TFB1M: variants seen among roughly 807,000 people sequenced by gnomAD.
The protein encoded by TFB1M is transcription factor B1, mitochondrial.
TFB1M carries 27 observed loss-of-function variants against 31.1 expected under a neutral mutation model. The observed-to-expected ratio is 0.87, with a 90% CI of 0.64 to 1.20. TFB1M has a LOEUF of 1.20. TFB1M is among the 50% of genes most tolerant of loss of function. The pLI, the probability that TFB1M is intolerant of heterozygous loss-of-function variation, is 0.00. For synonymous variants in TFB1M, 166 were observed against 151.8 expected, an observed-to-expected ratio of 1.09 and a Z score of -0.69; for missense variants, 394 against 418.7, an observed-to-expected ratio of 0.94 and a Z score of 0.51.
intron 5 of TFB1M, among the ~76,000 whole-genome samples, chr6:155,265,569 C>T (rs1465319443): frequency 6.6e-6 from 1 of 151,124 alleles, no homozygotes; most frequent in Non-Finnish European, 1.5e-5. Context: ...GAACAGGTAA[C>T]TATTTTATCT....
downstream of TFB1M, chr6:155,254,805 T>C (rs1293380796): frequency 5.8e-6 from 3 of 521,358 alleles, no homozygotes; most frequent in Non-Finnish European, 1.0e-5. Context: ...AGTCCAAATG[T>C]ACGATTTTGT....
At chr6:155,245,755 G>GTTTTTTTTTT in the TFB1M span, 49 of 1,023,372 alleles carry the variant, frequency 4.8e-5, no homozygotes, top group South Asian at 1.2e-4. Flanking sequence ...GCCTTTTATA[G>GTTTTTTTTTT]TTTTTTTTTT....
chr6:155,250,896 C>A, the TFB1M span: 2 of 1,611,282 alleles, frequency 1.2e-6, no homozygotes, highest in Non-Finnish European at 1.7e-6. Context: ...TCCTTACCTC[C>A]TGTTTTTACA....
chr6:155,240,800 G>C, the TFB1M span: 5 of 1,338,306 alleles, frequency 3.7e-6, no homozygotes, highest in East Asian at 1.0e-4. Flanking sequence ...CTCTGCCCAG[G>C]ACACCTGCCA....
Position 155,302,198 on chromosome 6 carries a change from T to A in TFB1M, c.286-3613A>T, listed in dbSNP as rs533256171. 2.6e-5 allele frequency among the ~76,000 whole-genome samples: 4 copies of A among 152,338 alleles called. No individual in the cohort carries two copies. The East Asian group carries it at 7.7e-4, about 29-fold the overall frequency. Reference sequence around the variant, plus strand: ...GAATACCCATTTTGCATATTTTATGTCACCTTCTCATGTAAGGGGTTCATG... The same window carrying A: ...GAATACCCATTTTGCATATTTTATGACACCTTCTCATGTAAGGGGTTCATG... On this transcript the variant is annotated intron_variant, in intron 2 of 6. Coordinates refer to ENST00000367166, the MANE Select transcript of TFB1M (RefSeq NM_016020.4).
chr6:155,286,874 CATT>C (rs759178501), intron 4 of TFB1M, among the ~76,000 whole-genome samples: 5 of 151,630 alleles, frequency 3.3e-5, no homozygotes, highest in Non-Finnish European at 5.9e-5. Flanking sequence ...TATAATAAAA[CATT>C]ATAAATGTTT....
chr6:155,245,016 C>T, the TFB1M span, among the ~76,000 whole-genome samples: 51,608 of 151,750 alleles, frequency 0.34, 9,494 homozygotes, highest in Middle Eastern at 0.5. Flanking sequence ...CAGCACCTCC[C>T]GCCTGGTTGT....
At chr6:155,285,326 TTA>T in intron 4 of TFB1M, 49 bp from the exon 5 acceptor site, 1 of 1,609,006 alleles carries the variant, frequency 6.2e-7, no homozygotes, top group Non-Finnish European at 8.5e-7. Flanking sequence ...TCCAGCCTGA[TTA>T]GATGAAAAAG....
At position 155,311,261 on chromosome 6, in the gene TFB1M, C is replaced by CT. The variant is rs2114819940; in HGVS notation, c.211dup (p.Arg71LysfsTer5). ...AGCGACGTCGGCATTAAGAATAGAT[C>CT]TTGTGATTCCCCCTGGCCCAGGGCC... is the stretch of plus-strand genomic sequence containing the variant. On this transcript the variant is annotated frameshift_variant, in exon 2 of 7. Coordinates refer to ENST00000367166, the MANE Select transcript of TFB1M (RefSeq NM_016020.4). LOFTEE classifies it high-confidence loss of function. The CT allele has an allele frequency of 6.2e-7, 1 of 1,614,070 alleles. No homozygotes were observed. Among genetic ancestry groups the CT allele is most frequent in the South Asian group, 1.1e-5 (1 of 91,082 alleles).
At chr6:155,285,015 T>A in intron 5 of TFB1M, 143 bp downstream of exon 5, 1 of 1,034,126 alleles carries the variant, frequency 9.7e-7, no homozygotes, top group Non-Finnish European at 1.5e-6. Flanking sequence ...TTACGATTTT[T>A]GTGGTTCTTA....
downstream of TFB1M, chr6:155,253,012 T>G (rs1310964984): frequency 1.9e-6 from 3 of 1,614,164 alleles, no homozygotes; most frequent in South Asian, 3.3e-5. Flanking sequence ...CGCTGGTTGA[T>G]CCCCATCTCC....
chr6:155,277,846 G>C (rs1395206014), intron 5 of TFB1M, among the ~76,000 whole-genome samples: 1 of 152,168 alleles, frequency 6.6e-6, no homozygotes, highest in Admixed American at 6.5e-5. Flanking sequence ...TGCTAGAACT[G>C]CTTTGATCCC....
Position 155,257,660 on chromosome 6 carries a change from G to GTATC in TFB1M, c.*172_*175dup, listed in dbSNP as rs920661202. 3.3e-5 allele frequency: 22 copies of GTATC among 674,106 alleles called. No homozygotes were observed. Among genetic ancestry groups the GTATC allele is most frequent in the Non-Finnish European group, 4.2e-5 (17 of 401,700 alleles). The allele number at this position is 674,106 out of a possible 1,614,324, so 41.8% of individuals were successfully genotyped here. ...TATATATTAAAAGAAAGCTTGTACT[G>GTATC]TATCTTATTTGATGATATTTATTTT... On this transcript the variant is annotated 3_prime_UTR_variant, in exon 7 of 7. Coordinates refer to ENST00000367166, the MANE Select transcript of TFB1M (RefSeq NM_016020.4).
intron 5 of TFB1M, among the ~76,000 whole-genome samples, chr6:155,261,347 A>C (rs1413989586): frequency 6.6e-6 from 1 of 152,344 alleles, no homozygotes; most frequent in East Asian, 1.9e-4. Flanking sequence ...AAGTACGGCA[A>C]TTTAGGAGGT....
At chr6:155,268,857 T>C (rs947296602) in intron 5 of TFB1M, among the ~76,000 whole-genome samples, 1 of 149,580 alleles carries the variant, frequency 6.7e-6, no homozygotes, top group Non-Finnish European at 1.5e-5. Flanking sequence ...AGACCTTTGT[T>C]CACTTGTTTA....
At chr6:155,245,816 G>A in the TFB1M span, 4 of 915,248 alleles carry the variant, frequency 4.4e-6, no homozygotes, top group Admixed American at 5.4e-5. Flanking sequence ...TTAACAAGTA[G>A]AGAGTAAGTA....
chr6:155,285,081 G>T, intron 5 of TFB1M, 77 bp downstream of exon 5: 4 of 1,577,534 alleles, frequency 2.5e-6, no homozygotes, highest in East Asian at 4.5e-5. Context: ...GATCCTAGAG[G>T]TTATTTCCTA....
intron 2 of TFB1M, among the ~76,000 whole-genome samples, 200 bp from the exon 3 acceptor site, chr6:155,298,785 T>C (rs1410567757): frequency 6.6e-6 from 1 of 152,198 alleles, no homozygotes; most frequent in Non-Finnish European, 1.5e-5. Context: ...TGATTAGGGA[T>C]AGTAACAGAC....
chr6:155,296,454 A>AT (rs1232610570), intron 4 of TFB1M, among the ~76,000 whole-genome samples: 6 of 73,322 alleles, frequency 8.2e-5, no homozygotes, highest in African/African-American at 3.2e-4. Flanking sequence ...TTTTTTTTGT[A>AT]TTTTTAGTAG....
Sources: allele counts gnomAD v4.1 joint callset (sites outside exome capture counted in the v4.1 genomes callset), GRCh38; gene constraint gnomAD v4.1.1; transcripts MANE v1.5; gene names NCBI Gene and HGNC (gene_info 2026-07-23, HGNC 2026-07-21).